The following DOCK1 variants were observed in gnomAD, a reference collection of about 807,000 sequenced individuals.
DOCK1 encodes dedicator of cytokinesis protein 1.
A neutral mutation model predicts 262.7 loss-of-function variants in DOCK1; 138 were observed. That is an observed-to-expected ratio of 0.53 (90% confidence interval 0.46 to 0.61). The LOEUF (loss-of-function observed/expected upper bound fraction) is 0.61. DOCK1 is among the 20% of genes least tolerant of loss of function. The pLI is 0.00. For synonymous variants in DOCK1, 866 were observed against 867.4 expected, an observed-to-expected ratio of 1.00 and a Z score of 0.03; for missense variants, 1,908 against 2,370.7, an observed-to-expected ratio of 0.80 and a Z score of 4.05.
intron 20 of DOCK1, 79 bp from the exon 21 acceptor site, chr10:127,042,985 G>A (rs1019414809): frequency 9.0e-7 from 1 of 1,108,566 alleles, no homozygotes; most frequent in Non-Finnish European, 1.3e-6. Flanking sequence ...CTAACACAGG[G>A]GTGCAGATGG....
chr10:127,255,306 C>T (rs575209342), intron 28 of DOCK1, among the ~76,000 whole-genome samples: 13 of 152,176 alleles, frequency 8.5e-5, no homozygotes, highest in Middle Eastern at 3.4e-3. Context: ...GATACTGAAA[C>T]GGGAGGATCA....
chr10:127,052,252 C>T (rs142815272), intron 21 of DOCK1, among the ~76,000 whole-genome samples: 3 of 152,314 alleles, frequency 2.0e-5, no homozygotes, highest in East Asian at 1.9e-4. Context: ...ACAGGCCGTG[C>T]AGTGGCTTAC....
intron 1 of DOCK1, among the ~76,000 whole-genome samples, chr10:126,927,552 T>A (rs1238600496): frequency 6.6e-6 from 1 of 152,120 alleles, no homozygotes; most frequent in African/African-American, 2.4e-5. Flanking sequence ...TTCTCCTGCC[T>A]CAGCCTCCCG....
intron 1 of DOCK1, among the ~76,000 whole-genome samples, chr10:126,944,234 G>T (rs1263164309): frequency 2.6e-5 from 4 of 151,790 alleles, no homozygotes; most frequent in Non-Finnish European, 5.9e-5. Context: ...TCTAGGCCTG[G>T]ATGCAGGGGC....
rs551576590 is a variant in DOCK1, at chr10:127,363,338, C to T, written c.3432+1126C>T. ...CAGCCTGGGAAACATGGTGAGACTC[C>T]GTCTCTACAAAAAATACAAAAATTA... On this transcript the variant is annotated intron_variant, in intron 33 of 51. Coordinates refer to ENST00000623213, the MANE Select transcript of DOCK1 (RefSeq NM_001290223.2). Among the ~76,000 whole-genome samples, 153 of 152,174 alleles carry T rather than the reference C, an allele frequency of 1.0e-3. 1 individual carries two copies. The Middle Eastern group carries it at 0.01, about 10-fold the overall frequency.
intron 38 of DOCK1, among the ~76,000 whole-genome samples, chr10:127,389,426 T>A (rs1259341532): frequency 6.6e-6 from 1 of 152,144 alleles, no homozygotes; most frequent in African/African-American, 2.4e-5. Flanking sequence ...CTTTCCACAC[T>A]CCATTCCCAG....
chr10:127,224,422 C>G (rs529937623), intron 27 of DOCK1, among the ~76,000 whole-genome samples: 16 of 152,090 alleles, frequency 1.1e-4, no homozygotes, highest in Non-Finnish European at 2.2e-4. Context: ...AATAGCCAGG[C>G]ATGGTGGTAC....
At chr10:127,280,005 ATTTCATATATATATATATATATATATAT>A (rs2060885056) in intron 29 of DOCK1, among the ~76,000 whole-genome samples, 4 of 85,816 alleles carry the variant, frequency 4.7e-5, no homozygotes, top group African/African-American at 1.9e-4. Flanking sequence ...TTAAAATTTT[ATTTCATATATATATATATATATATATAT>A]AATTTTTTTT....
intron 27 of DOCK1, among the ~76,000 whole-genome samples, chr10:127,128,568 G>A (rs1406071236): frequency 6.6e-6 from 1 of 152,010 alleles, no homozygotes; most frequent in Non-Finnish European, 1.5e-5. Flanking sequence ...AGGCCCCGGT[G>A]TGTGTGGTTC....
At chr10:127,330,972 T>C (rs2062952700) in intron 29 of DOCK1, among the ~76,000 whole-genome samples, 1 of 152,158 alleles carries the variant, frequency 6.6e-6, no homozygotes, top group East Asian at 1.9e-4. Flanking sequence ...ACATCCTCCT[T>C]CGACTGGCCA....
chr10:127,208,355 T>C (rs1451778202), intron 27 of DOCK1, among the ~76,000 whole-genome samples: 1 of 152,190 alleles, frequency 6.6e-6, no homozygotes, highest in Non-Finnish European at 1.5e-5. Context: ...TGGATTTTCA[T>C]CTCCAGCTGA....
chr10:127,177,901 G>A (rs984460436), intron 27 of DOCK1, among the ~76,000 whole-genome samples: 2 of 152,198 alleles, frequency 1.3e-5, no homozygotes, highest in East Asian at 1.9e-4. Context: ...GAGATGTTGC[G>A]TCATTTTTCG....
At chr10:127,043,250 G>T in intron 21 of DOCK1, 86 bp downstream of exon 21, 1 of 1,088,522 alleles carries the variant, frequency 9.2e-7, no homozygotes, top group South Asian at 1.4e-5. Flanking sequence ...TTTTGTCTAT[G>T]ACTGTGTATT....
Position 126,965,399 on chromosome 10 carries a change from C to A in DOCK1, c.47-5303C>A, listed in dbSNP as rs1180531865. On this transcript the variant is annotated intron_variant, in intron 1 of 51. Coordinates refer to ENST00000623213, the MANE Select transcript of DOCK1 (RefSeq NM_001290223.2). ...ATGGGTTGTGTGCTGGAGAAATGAG[C>A]CATCATTCAGAATGCTCGGCGAAAT... 3.9e-5 allele frequency among the ~76,000 whole-genome samples: 6 copies of A among 152,200 alleles called. No homozygotes were observed. In the South Asian group the frequency reaches 1.2e-3, roughly 32 times the overall value.
intron 21 of DOCK1, among the ~76,000 whole-genome samples, chr10:127,043,459 A>C (rs1226098405): frequency 6.6e-6 from 1 of 152,236 alleles, no homozygotes; most frequent in East Asian, 1.9e-4. Flanking sequence ...TTGGATGCGG[A>C]GTGTCTGACA....
At chr10:127,178,288 A>G (rs1231497351) in intron 27 of DOCK1, among the ~76,000 whole-genome samples, 1 of 152,226 alleles carries the variant, frequency 6.6e-6, no homozygotes, top group African/African-American at 2.4e-5. Context: ...ATCATGTGTA[A>G]GAACAACAAA....
intron 27 of DOCK1, among the ~76,000 whole-genome samples, chr10:127,183,851 C>T (rs1479800896): frequency 6.6e-6 from 1 of 152,186 alleles, no homozygotes; most frequent in African/African-American, 2.4e-5. Flanking sequence ...TGGTGTTACT[C>T]TGCCAGGTTA....
chr10:127,101,291 G>A (rs1465730731), intron 23 of DOCK1, among the ~76,000 whole-genome samples: 1 of 152,134 alleles, frequency 6.6e-6, no homozygotes, highest in Non-Finnish European at 1.5e-5. Flanking sequence ...ACAGGGGAGA[G>A]TGGAGAAGGA....
In DOCK1 at chr10:127,107,625, G is replaced by A. The variant is rs184836342; in HGVS notation, c.2516+1324G>A. Among the ~76,000 whole-genome samples, 1,006 of 152,282 alleles carry A rather than the reference G, an allele frequency of 6.6e-3. 6 individuals are homozygous for A. The highest frequency in any genetic ancestry group is 0.012 in the Admixed American group (181 of 15,302). On this transcript the variant is annotated intron_variant, in intron 24 of 51. Transcript: ENST00000623213. ...GAGCGGGCCCCAAAATGGCAGCTCC[G>A]GTAGCCCTTGGGAACTTGTTAGAGA...
Sources: allele counts gnomAD v4.1 joint callset (sites outside exome capture counted in the v4.1 genomes callset), GRCh38; gene constraint gnomAD v4.1.1; transcripts MANE v1.5; gene names NCBI Gene and HGNC (gene_info 2026-07-23, HGNC 2026-07-21).